CAMK2D: variants seen among roughly 807,000 people sequenced by gnomAD.
The protein encoded by CAMK2D is calcium/calmodulin-dependent protein kinase type II subunit delta.
CAMK2D carries 37 observed loss-of-function variants against 84.0 expected under a neutral mutation model. The ratio of observed to expected loss-of-function variants is 0.44; its 90% CI spans 0.34 to 0.58. The LOEUF (loss-of-function observed/expected upper bound fraction) is 0.58. Among genes scored for constraint, CAMK2D ranks in the 20% least tolerant of loss-of-function variants. The pLI, the probability that CAMK2D is intolerant of heterozygous loss-of-function variation, is 0.02. For synonymous variants in CAMK2D, 202 were observed against 212.5 expected (o/e 0.95, Z 0.43); for missense variants, 448 against 652.5 (o/e 0.69, Z 3.41).
chr4:113,672,501 A>G (rs1030365116), intron 2 of CAMK2D, among the ~76,000 whole-genome samples: 5 of 152,274 alleles, frequency 3.3e-5, no homozygotes, highest in Admixed American at 1.3e-4. Flanking sequence ...GTTTTGGAAG[A>G]TGAAGTAAGA....
At chr4:113,746,179 T>C (rs11933418) in intron 2 of CAMK2D, among the ~76,000 whole-genome samples, 101,652 of 152,094 alleles carry the variant, frequency 0.67, 35,039 homozygotes, top group African/African-American at 0.82. Context: ...AGAAATTATC[T>C]GCTCAAAGCT....
intron 16 of CAMK2D, among the ~76,000 whole-genome samples, chr4:113,494,349 C>T (rs1486776135): frequency 6.6e-6 from 1 of 152,192 alleles, no homozygotes; most frequent in Non-Finnish European, 1.5e-5. Context: ...TGTTAGTTTT[C>T]CTTCTAACAG....
intron 3 of CAMK2D, among the ~76,000 whole-genome samples, chr4:113,642,266 T>A (rs1311340489): frequency 6.6e-6 from 1 of 152,212 alleles, no homozygotes; most frequent in Non-Finnish European, 1.5e-5. Context: ...GTTTTCAGAC[T>A]TCCCTGGATA....
rs1331234606 is a variant in CAMK2D, at chr4:113,761,449, A to C, written c.-381T>G. The C allele has an allele frequency of 8.5e-7, 1 of 1,170,296 alleles. No homozygotes were observed. Among genetic ancestry groups the C allele is most frequent in the Non-Finnish European group, 1.1e-6 (1 of 935,850 alleles). 72.5% of individuals were successfully genotyped at this position (1,170,296 alleles called of 1,614,324 possible). On this transcript the variant is annotated 5_prime_UTR_variant, in exon 1 of 21. Transcript: ENST00000511664. ...ACGGGACGAGTGGCAAGCAGTTGCG[A>C]AACGATCCGCACTGGAGCAGGAGGA...
chr4:113,493,449 T>C (rs2154141471), intron 16 of CAMK2D, among the ~76,000 whole-genome samples: 1 of 152,226 alleles, frequency 6.6e-6, no homozygotes, highest in East Asian at 1.9e-4. Context: ...ATTCTTTTCT[T>C]TAAGAATGTT....
chr4:113,746,851 A>AT (rs1220736978), intron 2 of CAMK2D, among the ~76,000 whole-genome samples: 1 of 151,116 alleles, frequency 6.6e-6, no homozygotes, highest in Non-Finnish European at 1.5e-5. Flanking sequence ...TGGAATTAGG[A>AT]TTTTTCCCAA....
At chr4:113,525,867 A>G (rs1406792188) in intron 8 of CAMK2D, among the ~76,000 whole-genome samples, 1 of 152,186 alleles carries the variant, frequency 6.6e-6, no homozygotes, top group African/African-American at 2.4e-5. Context: ...TTGGCAAGAG[A>G]CAGTGCTAAT....
intron 3 of CAMK2D, among the ~76,000 whole-genome samples, chr4:113,623,879 C>T (rs1461095879): frequency 6.6e-6 from 1 of 152,114 alleles, no homozygotes; most frequent in African/African-American, 2.4e-5. Flanking sequence ...AGCCCTATCA[C>T]TCTCACTCAC....
chr4:113,628,030 CT>C (rs1305292105), intron 3 of CAMK2D, among the ~76,000 whole-genome samples: 1 of 152,118 alleles, frequency 6.6e-6, no homozygotes, highest in African/African-American at 2.4e-5. Flanking sequence ...TATTTATCTG[CT>C]CTTTAGAACT....
intron 16 of CAMK2D, among the ~76,000 whole-genome samples, chr4:113,500,113 T>G (rs1312607659): frequency 6.6e-6 from 1 of 152,198 alleles, no homozygotes. Flanking sequence ...GTTTTATGAA[T>G]GTACCCAATG....
intron 3 of CAMK2D, among the ~76,000 whole-genome samples, chr4:113,661,413 A>G (rs1236804945): frequency 6.6e-6 from 1 of 152,186 alleles, no homozygotes; most frequent in Admixed American, 6.5e-5. Context: ...AATTACACTC[A>G]GGTTTTCCAC....
chr4:113,596,858 C>T lies in CAMK2D; in HGVS notation c.275+12294G>A, dbSNP rs993592888. 3.4e-5 allele frequency among the ~76,000 whole-genome samples: 5 copies of T among 148,802 alleles called. No homozygotes were observed. In the South Asian group the frequency reaches 6.4e-4, roughly 19 times the overall value. On this transcript the variant is annotated intron_variant, in intron 4 of 20. Coordinates refer to ENST00000511664, the MANE Select transcript of CAMK2D (RefSeq NM_001321571.2). ...TTTTTGAGATGGAGCCTCGCTCTGT[C>T]GCCTAGGCTGGAGTGCAGTGGCATG...
chr4:113,602,768 T>C (rs2098958601), intron 4 of CAMK2D, among the ~76,000 whole-genome samples: 1 of 152,250 alleles, frequency 6.6e-6, no homozygotes, highest in African/African-American at 2.4e-5. Flanking sequence ...GTGAACGTAT[T>C]ATACACAGTT....
chr4:113,723,591 T>C (rs2099537514), intron 2 of CAMK2D, among the ~76,000 whole-genome samples: 1 of 152,248 alleles, frequency 6.6e-6, no homozygotes, highest in South Asian at 2.1e-4. Context: ...TTTCACGCTA[T>C]ACTCCTTATC....
chr4:113,540,870 T>C (rs2098525519), intron 6 of CAMK2D, among the ~76,000 whole-genome samples: 1 of 152,202 alleles, frequency 6.6e-6, no homozygotes, highest in Non-Finnish European at 1.5e-5. Flanking sequence ...TAGATTCTTA[T>C]AATGCAATCC....
At chr4:113,644,958 C>T (rs1365548491) in intron 3 of CAMK2D, among the ~76,000 whole-genome samples, 2 of 152,154 alleles carry the variant, frequency 1.3e-5, no homozygotes. Flanking sequence ...AAATTCAGCT[C>T]ACCACCTATT....
chr4:113,490,587 G>A (rs2097825432), intron 16 of CAMK2D, among the ~76,000 whole-genome samples: 1 of 149,006 alleles, frequency 6.7e-6, no homozygotes, highest in Admixed American at 6.7e-5. Flanking sequence ...GATGCCTCCA[G>A]CTTTGTTCTC....
At chr4:113,644,681 T>G (rs1418713749) in intron 3 of CAMK2D, among the ~76,000 whole-genome samples, 2 of 152,088 alleles carry the variant, frequency 1.3e-5, no homozygotes, top group East Asian at 3.9e-4. Context: ...AAACCAGAAA[T>G]CAGAGTTGAA....
At chr4:113,508,713 G>A (rs41278055) in intron 13 of CAMK2D, among the ~76,000 whole-genome samples, 1 of 152,300 alleles carries the variant, frequency 6.6e-6, no homozygotes, top group Non-Finnish European at 1.5e-5. Context: ...TTTCCAAGTT[G>A]CACACAGACA....
Sources: gnomAD v4.1 joint callset for allele counts (sites outside exome capture counted in the v4.1 genomes callset) on GRCh38, gnomAD v4.1.1 for gene constraint, MANE v1.5 for transcripts, NCBI Gene and HGNC (gene_info 2026-07-23, HGNC 2026-07-21) for gene names.